Variants in RASA1 observed in about 807,000 individuals in gnomAD.
RASA1 encodes ras GTPase-activating protein 1.
A neutral mutation model predicts 132.2 loss-of-function variants in RASA1; 25 were observed. The observed-to-expected ratio is 0.19, with a 90% CI of 0.14 to 0.26. The LOEUF (loss-of-function observed/expected upper bound fraction) is 0.26, where lower values mean the gene tolerates loss of function less well. RASA1 is among the 10% of genes least tolerant of loss of function. The pLI, the probability that RASA1 is intolerant of heterozygous loss-of-function variation, is 1.00. For synonymous variants in RASA1, 477 were observed against 449.9 expected (o/e 1.06, Z -0.76); for missense variants, 964 against 1,299.2 (o/e 0.74, Z 3.97).
intron 9 of RASA1, among the ~76,000 whole-genome samples, chr5:87,359,635 A>G (rs189115507): frequency 3.0e-4 from 45 of 152,350 alleles, no homozygotes; most frequent in Non-Finnish European, 5.0e-4. Flanking sequence ...TGCCATCACC[A>G]TTGAACTAAA....
At chr5:87,286,995 A>G (rs904060778) in intron 1 of RASA1, among the ~76,000 whole-genome samples, 12 of 147,548 alleles carry the variant, frequency 8.1e-5, no homozygotes, top group Admixed American at 4.1e-4. Flanking sequence ...TATACACACC[A>G]TATATATACC....
chr5:87,355,371 G>T (rs1759574353), intron 9 of RASA1, among the ~76,000 whole-genome samples: 1 of 152,144 alleles, frequency 6.6e-6, no homozygotes. Context: ...TCAGAATTAT[G>T]CCAAATCTAC....
intron 1 of RASA1, among the ~76,000 whole-genome samples, chr5:87,279,857 T>C (rs1754234394): frequency 6.6e-6 from 1 of 152,162 alleles, no homozygotes; most frequent in African/African-American, 2.4e-5. Flanking sequence ...AATCCCACAA[T>C]AGGTCATCTG....
chr5:87,279,366 A>G (rs1754211849), intron 1 of RASA1, among the ~76,000 whole-genome samples: 2 of 152,150 alleles, frequency 1.3e-5, no homozygotes, highest in South Asian at 2.1e-4. Flanking sequence ...ATAGTAGTCC[A>G]TGGTGTAGAT....
At chr5:87,372,336 G>A (rs975876675) in intron 13 of RASA1, 141 bp downstream of exon 13, 75 of 728,196 alleles carry the variant, frequency 1.0e-4, no homozygotes, top group East Asian at 7.0e-4. Flanking sequence ...GCAGGAAAAC[G>A]TTACTTCTTT....
In RASA1 at chr5:87,310,592, C is replaced by T. The variant is rs368549269; in HGVS notation, c.540-20756C>T. 8.5e-5 allele frequency among the ~76,000 whole-genome samples: 13 copies of T among 152,186 alleles called. No homozygotes were observed. The East Asian group carries it at 2.5e-3, about 29-fold the overall frequency. ...GTGATGGTCTTGTTTTTCATGTAAG[C>T]GCTGACAGACTTAGTTAAGATTGTT... On this transcript the variant is annotated intron_variant, in intron 1 of 24. Transcript: ENST00000274376.
At position 87,378,422 on chromosome 5, in the gene RASA1, A is replaced by G. The variant is rs1297460918; in HGVS notation, c.2371A>G (p.Thr791Ala). The G allele has an allele frequency of 6.2e-7, 1 of 1,613,430 alleles. No individual in the cohort carries two copies. ...EDEATTLFRA[T>A]TLASTLMEQY... is the part of the protein sequence containing the mutation. ...TGAAGCCACTACCCTATTTCGAGCC[A>G]CAACACTTGCAAGCACCTTGATGGA... is the stretch of plus-strand genomic sequence containing the variant. Residue 791 changes from threonine (T) to alanine (A), a missense_variant, in exon 18 of 25, where the codon ACA (threonine) becomes GCA (alanine). Coordinates refer to ENST00000274376, the MANE Select transcript of RASA1 (RefSeq NM_002890.3).
intron 9 of RASA1, among the ~76,000 whole-genome samples, chr5:87,356,782 G>C (rs1400396641): frequency 6.6e-6 from 1 of 152,096 alleles, no homozygotes; most frequent in Non-Finnish European, 1.5e-5. Flanking sequence ...TAACTTATAC[G>C]TGCACTGCGA....
At chr5:87,318,093 T>C (rs2112325457) in intron 1 of RASA1, among the ~76,000 whole-genome samples, 1 of 152,326 alleles carries the variant, frequency 6.6e-6, no homozygotes, top group African/African-American at 2.4e-5. Flanking sequence ...ATTGCTGGGC[T>C]AAAATGTTCT....
intron 8 of RASA1, among the ~76,000 whole-genome samples, chr5:87,352,038 C>T (rs1220113253): frequency 6.6e-6 from 1 of 151,592 alleles, no homozygotes; most frequent in Admixed American, 6.6e-5. Context: ...TCCTGATTTT[C>T]ATTTTTCTTT....
chr5:87,370,722 AC>A (rs1432269398), intron 12 of RASA1, among the ~76,000 whole-genome samples: 2 of 152,190 alleles, frequency 1.3e-5, no homozygotes, highest in African/African-American at 4.8e-5. Context: ...TGTATTTTAT[AC>A]AAATACAGCT....
At chr5:87,373,391 A>G (rs970377424) in intron 13 of RASA1, among the ~76,000 whole-genome samples, 1 of 152,164 alleles carries the variant, frequency 6.6e-6, no homozygotes, top group Non-Finnish European at 1.5e-5. Context: ...GTCATTTTCT[A>G]TACGGGACTT....
intron 1 of RASA1, among the ~76,000 whole-genome samples, chr5:87,323,536 T>G (rs985600891): frequency 1.3e-5 from 2 of 152,190 alleles, no homozygotes; most frequent in African/African-American, 4.8e-5. Context: ...TATTTCAGTT[T>G]GAGGAACTGA....
chr5:87,332,714 A>G (rs1448042824), intron 3 of RASA1, 72 bp downstream of exon 3: 2 of 1,400,592 alleles, frequency 1.4e-6, no homozygotes, highest in East Asian at 2.3e-5. Flanking sequence ...GCTATTGCTC[A>G]GTTTCTTATG....
chr5:87,349,351 C>T lies in RASA1; in HGVS notation c.1240C>T (p.Arg414Trp), dbSNP rs1759093753. 1.2e-6 allele frequency: 2 copies of T among 1,611,284 alleles called. No homozygotes were observed. Among genetic ancestry groups the T allele is most frequent in the Non-Finnish European group, 8.5e-7 (1 of 1,178,298 alleles). The change falls in exon 8 of 25, where the codon CGG becomes TGG. Residue 414 changes from arginine (R) to tryptophan (W), a missense_variant. By Grantham distance (101) the Arg-to-Trp change is moderately radical. Transcript: ENST00000274376. The part of the protein sequence containing the change: ...TPNNQFMMGG[R>W]YYNSIGDIID... Reference sequence around the variant, plus strand: ...AAACAATCAGTTTATGATGGGAGGCCGGTATTATAACAGGTAAATCATAAT... The same window carrying T: ...AAACAATCAGTTTATGATGGGAGGCTGGTATTATAACAGGTAAATCATAAT...
At chr5:87,352,610 A>G (rs1255340202) in intron 8 of RASA1, among the ~76,000 whole-genome samples, 1 of 151,774 alleles carries the variant, frequency 6.6e-6, no homozygotes, top group African/African-American at 2.4e-5. Context: ...TCAAAATAAT[A>G]AGCTTTTCTC....
chr5:87,289,094 A>T (rs765367473), intron 1 of RASA1, among the ~76,000 whole-genome samples: 174 of 152,242 alleles, frequency 1.1e-3, no homozygotes, highest in Non-Finnish European at 1.5e-3. Context: ...AATCTAGAAC[A>T]GTCCTTTTTG....
chr5:87,270,233 C>T (rs1484019930), intron 1 of RASA1, among the ~76,000 whole-genome samples: 1 of 139,808 alleles, frequency 7.2e-6, no homozygotes, highest in Admixed American at 7.1e-5. Flanking sequence ...CAGAGCGAGA[C>T]TCTGTCTCAA....
chr5:87,299,500 C>T (rs1237695464), intron 1 of RASA1, among the ~76,000 whole-genome samples: 2 of 152,128 alleles, frequency 1.3e-5, no homozygotes, highest in African/African-American at 4.8e-5. Context: ...AAAGTACTTA[C>T]ATATAAGGTT....
Sources: allele counts gnomAD v4.1 joint callset (sites outside exome capture counted in the v4.1 genomes callset), GRCh38; gene constraint gnomAD v4.1.1; transcripts MANE v1.5; gene names NCBI Gene and HGNC (gene_info 2026-07-23, HGNC 2026-07-21).